Variants in MROH2A observed in about 807,000 individuals in gnomAD.
MROH2A encodes the protein maestro heat-like repeat-containing protein family member 2A.
In MROH2A, 174 loss-of-function variants were observed where a neutral mutation model predicts 200.4. The observed-to-expected ratio is 0.87, with a 90% CI of 0.77 to 0.98. The LOEUF is 0.98. MROH2A is among the 50% of genes least tolerant of loss of function. MROH2A has a pLI of 0.00. For synonymous variants in MROH2A, 829 were observed against 840.4 expected, an observed-to-expected ratio of 0.99 and a Z score of 0.23; for missense variants, 2,045 against 2,139.6, an observed-to-expected ratio of 0.96 and a Z score of 0.87.
rs943613039 is a variant in MROH2A at position 233,820,223 on chromosome 2, G to A, written c.3512+167G>A. Among the ~76,000 whole-genome samples, 26 of 152,136 alleles carry A rather than the reference G, an allele frequency of 1.7e-4. No homozygotes were observed. Among genetic ancestry groups the A allele is most frequent in the African/African-American group, 5.3e-4 (22 of 41,434 alleles). ...CCTCCTGCAGGAGGTGCCAGCCTCC[G>A]ACGAGCCACTGACAGAGCCCAGGCT... On this transcript the variant is annotated intron_variant, in intron 31 of 41. Transcript: ENST00000389758. The surrounding 1 kb of genome is among the most constrained non-coding windows in gnomAD (Gnocchi z 4.1).
In MROH2A at chr2:233,813,784, T is replaced by TC; in HGVS notation, c.2760+9dup. On this transcript the variant is annotated splice_region_variant and intron_variant, in intron 25 of 41. Transcript: ENST00000389758. ...AGGACAATGAGTCCATTAAGGTAGGTCCCTCTGGGATGCCTCATTTGCTGG... is the reference window on the plus strand; with the variant it reads ...AGGACAATGAGTCCATTAAGGTAGGTCCCCTCTGGGATGCCTCATTTGCTGG... The TC allele has an allele frequency of 6.7e-7, 1 of 1,501,280 alleles. No individual in the cohort carries two copies. The highest frequency in any genetic ancestry group is 9.1e-7 in the Non-Finnish European group (1 of 1,102,686). The allele number at this position is 1,501,280 out of a possible 1,614,324, so 93.0% of individuals were successfully genotyped here.
rs542205328 is a variant in MROH2A, at chr2:233,810,888, A to G, written c.2543A>G (p.Gln848Arg). 131 of 1,550,350 alleles carry G rather than the reference A, an allele frequency of 8.4e-5. 2 individuals carry two copies. In the East Asian group the frequency reaches 1.5e-3, roughly 18 times the overall value. Residue 848 changes from glutamine to arginine, a missense_variant, in exon 23 of 42, where the codon CAG becomes CGG. This residue lies in a region of MROH2A where 1,201 missense variants were observed against 1,311.3 expected (regional missense o/e 0.92). Coordinates refer to ENST00000389758, the MANE Select transcript of MROH2A (RefSeq NM_001394639.1). ...IKDLEDFHFA[Q>R]KTTLTSIIVA... The stretch of plus-strand genomic sequence containing the variant: ...GACCTGGAGGACTTTCACTTTGCCC[A>G]GAAGACGACTCTTACCAGCATTATA...
intron 5 of MROH2A, among the ~76,000 whole-genome samples, chr2:233,791,196 T>C (rs1479952318): frequency 6.6e-6 from 1 of 152,140 alleles, no homozygotes; most frequent in Non-Finnish European, 1.5e-5. Context: ...CGAAGGACAT[T>C]AAGCTGCAGG....
intron 26 of MROH2A, among the ~76,000 whole-genome samples, chr2:233,815,100 G>A (rs746040313): frequency 2.4e-4 from 37 of 152,310 alleles, no homozygotes; most frequent in Non-Finnish European, 3.7e-4. Context: ...CTTTAGAGCT[G>A]TTTTCTCCTC....
intron 6 of MROH2A, 28 bp downstream of exon 6, chr2:233,792,922 C>T: frequency 6.5e-7 from 1 of 1,549,578 alleles, no homozygotes; most frequent in Non-Finnish European, 8.7e-7. Context: ...GCCTGCAGGT[C>T]TGGCTCGATC....
Position 233,802,274 on chromosome 2 carries a change from G to A in MROH2A, c.1667G>A (p.Gly556Asp), listed in dbSNP as rs1482301162. Reference protein sequence around the residue: ...LTNLAEHQLHGQDVDVSVAGK... With the variant: ...LTNLAEHQLHDQDVDVSVAGK... ...AACCTGGCAGAACACCAGCTCCATG[G>A]CCAGGATGTGGATGTCAGCGTGGCT... is the stretch of plus-strand genomic sequence containing the variant. Residue 556 changes from glycine to aspartate, a missense_variant, in exon 15 of 42, where the codon GGC becomes GAC. By Grantham distance (94) the Gly-to-Asp change is moderately conservative. Transcript: ENST00000389758. 1.9e-6 allele frequency: 3 copies of A among 1,550,350 alleles called. No homozygotes were observed. Among genetic ancestry groups the A allele is most frequent in the Non-Finnish European group, 2.6e-6 (3 of 1,146,856 alleles).
chr2:233,822,534 C>T lies in MROH2A; in HGVS notation c.3844C>T (p.Pro1282Ser), dbSNP rs1423501863. ...MWKLVHTTPL[P>S]EEMNLQRVTI... ...GAAGCTGGTCCACACCACTCCTCTGCCGGAGGAGATGAACCTGCAAAGGTG... is the reference window on the plus strand; with the variant it reads ...GAAGCTGGTCCACACCACTCCTCTGTCGGAGGAGATGAACCTGCAAAGGTG... The change falls in exon 33 of 42, where the codon CCG (proline) becomes TCG (serine). Residue 1282 changes from proline to serine, a missense_variant. By Grantham distance (74) the Pro-to-Ser change is moderately conservative. Around this residue, in one of 3 missense-constraint regions of MROH2A, gnomAD observed 1,201 missense variants for 1,311.3 expected, o/e 0.92. Coordinates refer to ENST00000389758, the MANE Select transcript of MROH2A (RefSeq NM_001394639.1). 5 of 1,550,060 alleles carry T rather than the reference C, an allele frequency of 3.2e-6. No homozygotes were observed. In the African/African-American group the frequency reaches 5.5e-5, roughly 17 times the overall value.
chr2:233,798,348 C>T (rs759084578), intron 11 of MROH2A, among the ~76,000 whole-genome samples: 7 of 152,180 alleles, frequency 4.6e-5, no homozygotes, highest in Admixed American at 6.5e-5. Context: ...ATTCACTTTA[C>T]GTCCCACAGC....
rs1343670588 is a variant in MROH2A at position 233,813,708 on chromosome 2, A to G, written c.2690A>G (p.Glu897Gly). 6.5e-7 allele frequency: 1 copy of G among 1,550,258 alleles called. No homozygotes were observed. The highest frequency in any genetic ancestry group is 1.4e-5 in the African/African-American group (1 of 73,170). ...TTCTACTCCACAGAGGAAAACAGTGAGCTGATGGATATCAGCATACATTCT... is the reference window on the plus strand; with the variant it reads ...TTCTACTCCACAGAGGAAAACAGTGGGCTGATGGATATCAGCATACATTCT... ...KPFYSTEENS[E>G]LMDISIHSVI... Residue 897 changes from glutamate to glycine, a missense_variant, in exon 25 of 42, where the codon GAG becomes GGG. Coordinates refer to ENST00000389758, the MANE Select transcript of MROH2A (RefSeq NM_001394639.1).
At chr2:233,798,726 C>T (rs1316206545) in intron 11 of MROH2A, 48 bp from the exon 12 acceptor site, 4 of 1,414,180 alleles carry the variant, frequency 2.8e-6, no homozygotes, top group Non-Finnish European at 3.9e-6. Flanking sequence ...GCCACCTGAC[C>T]TCTCCCTGAG....
intron 3 of MROH2A, among the ~76,000 whole-genome samples, chr2:233,780,308 C>A (rs1312003644): frequency 2.0e-5 from 3 of 152,202 alleles, no homozygotes; most frequent in Admixed American, 6.5e-5. Context: ...AGGTTTTGGA[C>A]TAGACAAGGG....
intron 3 of MROH2A, among the ~76,000 whole-genome samples, chr2:233,782,108 C>T (rs1218061736): frequency 7.2e-5 from 11 of 152,162 alleles, no homozygotes; most frequent in Non-Finnish European, 1.3e-4. Context: ...CAGTACCATG[C>T]TATTTTGGTT....
At position 233,829,494 on chromosome 2, in the gene MROH2A, C is replaced by T. The variant is rs1009953559; in HGVS notation, c.4447-126C>T. 17 of 943,722 alleles carry T rather than the reference C, an allele frequency of 1.8e-5. No individual in the cohort carries two copies. The East Asian group carries it at 4.2e-4, about 23-fold the overall frequency. 58.5% of individuals were successfully genotyped at this position (943,722 alleles called of 1,614,324 possible). On this transcript the variant is annotated intron_variant, in intron 37 of 41. Coordinates refer to ENST00000389758, the MANE Select transcript of MROH2A (RefSeq NM_001394639.1). ...GTGATCCCTGCCAAAGGAGAGACTA[C>T]ACCCTGACGGAATGATCCAGAAGGC...
chr2:233,832,489 C>T (rs1704831339), intron 40 of MROH2A, 90 bp from the exon 41 acceptor site: 1 of 1,108,854 alleles, frequency 9.0e-7, no homozygotes, highest in African/African-American at 1.6e-5. Flanking sequence ...TTCATCAATG[C>T]TCTCATAACG....
chr2:233,820,437 A>G lies in MROH2A; in HGVS notation c.3512+381A>G, dbSNP rs538683758. ...CCTGGATATATTCCAGGCTGTCCCT[A>G]TTTCTTTCAAAATGTGTCCTAAGAG... On this transcript the variant is annotated intron_variant, in intron 31 of 41. Coordinates refer to ENST00000389758, the MANE Select transcript of MROH2A (RefSeq NM_001394639.1). This position sits in a 1 kb window ranked among gnomAD's most constrained non-coding sequence, Gnocchi z 4.1. Among the ~76,000 whole-genome samples the G allele has an allele frequency of 3.3e-5, 5 of 152,116 alleles. No homozygotes were observed. The East Asian group carries it at 7.8e-4, about 24-fold the overall frequency.
At chr2:233,815,252 A>T (rs1703436738) in intron 26 of MROH2A, among the ~76,000 whole-genome samples, 1 of 152,190 alleles carries the variant, frequency 6.6e-6, no homozygotes, top group Admixed American at 6.5e-5. Context: ...GTTTTTAAAA[A>T]TTGGGTTGTT....
intron 19 of MROH2A, 31 bp downstream of exon 19, chr2:233,805,142 A>G: frequency 6.9e-7 from 1 of 1,457,140 alleles, no homozygotes; most frequent in Non-Finnish European, 9.4e-7. Flanking sequence ...GAGAGTTTGG[A>G]CAAGGAGTAG....
At chr2:233,801,650 A>G (rs28899491) in intron 14 of MROH2A, among the ~76,000 whole-genome samples, 12,220 of 152,114 alleles carry the variant, frequency 0.08, 922 homozygotes, top group African/African-American at 0.19. Context: ...TCACCCACCT[A>G]TGTTATTGAG....
At chr2:233,831,596 A>G (rs1574626608) in intron 39 of MROH2A, 56 bp downstream of exon 39, 1 of 1,523,344 alleles carries the variant, frequency 6.6e-7, no homozygotes, top group Non-Finnish European at 8.8e-7. Context: ...GCTGGCTTGG[A>G]GCTGGGGGGT....
Sources: gnomAD v4.1 joint callset for allele counts (sites outside exome capture counted in the v4.1 genomes callset) on GRCh38, gnomAD v4.1.1 for gene constraint, gnomAD v4.1.1 regional missense constraint, Gnocchi (gnomAD v3.1) non-coding constraint, MANE v1.5 for transcripts, NCBI Gene and HGNC (gene_info 2026-07-23, HGNC 2026-07-21) for gene names.